Variants in ZNF652 observed in about 807,000 individuals in gnomAD.
The protein encoded by ZNF652 is zinc finger protein 652.
ZNF652 carries 16 observed loss-of-function variants against 45.2 expected under a neutral mutation model. The ratio of observed to expected loss-of-function variants is 0.35; its 90% CI spans 0.24 to 0.54. ZNF652 has a LOEUF of 0.54. Among genes scored for constraint, ZNF652 ranks in the 20% least tolerant of loss-of-function variants. ZNF652 has a pLI of 0.91. For synonymous variants in ZNF652, 250 were observed against 260.6 expected (o/e 0.96, Z 0.39); for missense variants, 614 against 765.6 (o/e 0.80, Z 2.34).
intron 5 of ZNF652, among the ~76,000 whole-genome samples, chr17:49,303,002 T>C (rs905962398): frequency 6.6e-6 from 1 of 151,694 alleles, no homozygotes; most frequent in Non-Finnish European, 1.5e-5. Flanking sequence ...CATGGTATTA[T>C]CTACCTTTTA....
chr17:49,307,707 G>A (rs1442505980), intron 5 of ZNF652, among the ~76,000 whole-genome samples: 1 of 151,914 alleles, frequency 6.6e-6, no homozygotes, highest in East Asian at 1.9e-4. Flanking sequence ...AGCTGAGATC[G>A]CACCACTGCA....
chr17:49,294,849 G>A lies in ZNF652; in HGVS notation c.*3564C>T, dbSNP rs1269015468. 1 of 152,152 alleles carries A rather than the reference G, an allele frequency of 6.6e-6. No individual in the cohort carries two copies. Among genetic ancestry groups the A allele is most frequent in the Admixed American group, 6.5e-5 (1 of 15,270 alleles). 9.4% of individuals were successfully genotyped at this position (152,152 alleles called of 1,614,324 possible). On this transcript the variant is annotated 3_prime_UTR_variant, in exon 6 of 6. Coordinates refer to ENST00000430262, the MANE Select transcript of ZNF652 (RefSeq NM_001145365.3). ...ACAGACATGTACAGATAAGGGCTGA[G>A]AACTCAAACTTCTCCATAATTCTTT...
At position 49,298,396 on chromosome 17, in the gene ZNF652, C is replaced by T; in HGVS notation, c.*17G>A. On this transcript the variant is annotated 3_prime_UTR_variant, in exon 6 of 6. Transcript: ENST00000430262. Reference sequence around the variant, plus strand: ...ATGGGGACGTGTCTCCTGGAGAACACACTAAGGAGACGGATGTTAATGATG... The same window carrying T: ...ATGGGGACGTGTCTCCTGGAGAACATACTAAGGAGACGGATGTTAATGATG... 6.2e-7 allele frequency: 1 copy of T among 1,612,028 alleles called. No homozygotes were observed.
chr17:49,345,609 A>G (rs570641871), intron 1 of ZNF652, among the ~76,000 whole-genome samples: 1 of 151,536 alleles, frequency 6.6e-6, no homozygotes, highest in African/African-American at 2.4e-5. Context: ...TGGGAGGCTG[A>G]GGTGGGCCGA....
At chr17:49,301,916 A>G (rs1012522897) in intron 5 of ZNF652, among the ~76,000 whole-genome samples, 2 of 151,708 alleles carry the variant, frequency 1.3e-5, no homozygotes, top group African/African-American at 2.4e-5. Context: ...GAATTAAGCA[A>G]ATCAATTATA....
intron 5 of ZNF652, among the ~76,000 whole-genome samples, chr17:49,308,413 G>T (rs2069662125): frequency 6.6e-6 from 1 of 152,162 alleles, no homozygotes; most frequent in Admixed American, 6.5e-5. Flanking sequence ...CTGGGCTCAA[G>T]ATATCCACCT....
At chr17:49,350,978 T>TAC (rs1567700045) in intron 1 of ZNF652, among the ~76,000 whole-genome samples, 121 of 14,798 alleles carry the variant, frequency 8.2e-3, no homozygotes, top group South Asian at 0.013. Context: ...TACATATATA[T>TAC]ATATATATAT....
intron 5 of ZNF652, among the ~76,000 whole-genome samples, chr17:49,311,013 T>A (rs1215441845): frequency 6.6e-6 from 1 of 152,172 alleles, no homozygotes; most frequent in African/African-American, 2.4e-5. Flanking sequence ...AACATGCACA[T>A]ACACAAAAGA....
At chr17:49,288,471 T>A (rs190274683), downstream of ZNF652, 16 of 152,348 alleles carry the variant, frequency 1.1e-4, no homozygotes, top group African/African-American at 3.8e-4. Flanking sequence ...AGGTGGCTTA[T>A]GGGCTGGGAA....
chr17:49,289,924 C>T lies in ZNF652; in HGVS notation c.*8489G>A, dbSNP rs2143651490. 6.6e-6 allele frequency: 1 copy of T among 152,386 alleles called. No homozygotes were observed. The highest frequency in any genetic ancestry group is 2.1e-4 in the South Asian group (1 of 4,832). The allele number at this position is 152,386 out of a possible 1,614,324, so 9.4% of individuals were successfully genotyped here. On this transcript the variant is annotated 3_prime_UTR_variant, in exon 6 of 6. Coordinates refer to ENST00000430262, the MANE Select transcript of ZNF652 (RefSeq NM_001145365.3). ...TGGACAAATATTCAACATTCAACAA[C>T]AAGCTTTGTAAACCTAACGCTAAAC...
chr17:49,324,451 C>T lies in ZNF652; in HGVS notation c.-258-6468G>A, dbSNP rs143846971. ...TGTCACCCAGGCTGGAGTGCAGTGG[C>T]GTGATCTCAGCTCACTGCAACCTCC... On this transcript the variant is annotated intron_variant, in intron 1 of 5. Coordinates refer to ENST00000430262, the MANE Select transcript of ZNF652 (RefSeq NM_001145365.3). Among the ~76,000 whole-genome samples, 149 of 150,528 alleles carry T rather than the reference C, an allele frequency of 9.9e-4. No individual in the cohort carries two copies. In the East Asian group the frequency reaches 0.024, roughly 24 times the overall value.
At chr17:49,348,043 A>C (rs913400849) in intron 1 of ZNF652, among the ~76,000 whole-genome samples, 3 of 151,930 alleles carry the variant, frequency 2.0e-5, no homozygotes, top group African/African-American at 7.3e-5. Context: ...ACCACACCCT[A>C]CCAAACCTTA....
Position 49,298,542 on chromosome 17 carries a change from G to C in ZNF652, c.1692C>G (p.Ile564Met). 1 of 1,612,014 alleles carries C rather than the reference G, an allele frequency of 6.2e-7. No individual in the cohort carries two copies. The highest frequency in any genetic ancestry group is 1.3e-5 in the African/African-American group (1 of 74,958). ...PHPHHPHHLP[I>M]PPVPHLPPPP... Reference sequence around the variant, plus strand: ...GTGGCGGGAGGTGAGGGACTGGAGGGATGGGAAGGTGGTGTGGGTGGTGAG... The same window carrying C: ...GTGGCGGGAGGTGAGGGACTGGAGGCATGGGAAGGTGGTGTGGGTGGTGAG... Residue 564 changes from isoleucine to methionine, a missense_variant, in exon 6 of 6, where the codon ATC becomes ATG. Transcript: ENST00000430262.
intron 1 of ZNF652, among the ~76,000 whole-genome samples, chr17:49,330,833 C>T (rs2070015097): frequency 6.6e-6 from 1 of 151,364 alleles, no homozygotes; most frequent in South Asian, 2.1e-4. Context: ...GGTGGATCAC[C>T]TGAGATTGGG....
At chr17:49,342,553 AAGGG>A (rs1333078951) in intron 1 of ZNF652, among the ~76,000 whole-genome samples, 2 of 4,068 alleles carry the variant, frequency 4.9e-4, no homozygotes, top group African/African-American at 1.3e-3. Context: ...ATAACAGATA[AAGGG>A]GGGGGGGGGG....
intron 5 of ZNF652, among the ~76,000 whole-genome samples, chr17:49,305,959 T>C (rs920532873): frequency 2.6e-5 from 4 of 152,222 alleles, no homozygotes; most frequent in African/African-American, 9.6e-5. Context: ...TGTAGTTTCA[T>C]TCAGCCTTAG....
intron 1 of ZNF652, among the ~76,000 whole-genome samples, chr17:49,347,979 C>G (rs1404614914): frequency 6.6e-6 from 1 of 151,966 alleles, no homozygotes; most frequent in Non-Finnish European, 1.5e-5. Flanking sequence ...CTCCTGGCCT[C>G]AAACAATCCA....
Position 49,312,338 on chromosome 17 carries a change from G to A in ZNF652, c.1049-296C>T, listed in dbSNP as rs558049430. Among the ~76,000 whole-genome samples, 4 of 151,890 alleles carry A rather than the reference G, an allele frequency of 2.6e-5. No homozygotes were observed. The South Asian group carries it at 8.3e-4, about 32-fold the overall frequency. ...GCGCCACCACGCCCAGCTAATTTTT[G>A]TATTTTTAGTAGAGACAGGGTTTCG... On this transcript the variant is annotated intron_variant, in intron 3 of 5. Transcript: ENST00000430262.
chr17:49,312,710 T>C lies in ZNF652; in HGVS notation c.1036A>G (p.Lys346Glu), dbSNP rs2069733691. The C allele has an allele frequency of 6.2e-7, 1 of 1,613,350 alleles. No individual in the cohort carries two copies. The highest frequency in any genetic ancestry group is 1.1e-5 in the South Asian group (1 of 91,002). ...CAGAAAAACTTACCAACCATGTGTT[T>C]CCGCACATGAGCCATGGTATAGAAT... is the stretch of plus-strand genomic sequence containing the variant. The part of the protein sequence containing the change: ...KKFYTMAHVR[K>E]HMVAHTKDMP... Residue 346 changes from lysine to glutamate, a missense_variant, in exon 3 of 6, where the codon AAA becomes GAA. This residue lies in a region of ZNF652 where 262 missense variants were observed against 306.3 expected (regional missense o/e 0.86). Coordinates refer to ENST00000430262, the MANE Select transcript of ZNF652 (RefSeq NM_001145365.3).
Sources: gnomAD v4.1 joint callset for allele counts (sites outside exome capture counted in the v4.1 genomes callset) on GRCh38, gnomAD v4.1.1 for gene constraint, gnomAD v4.1.1 regional missense constraint, MANE v1.5 for transcripts, NCBI Gene and HGNC (gene_info 2026-07-23, HGNC 2026-07-21) for gene names.